The following MTARC2 variants were observed in gnomAD, a reference collection of about 807,000 sequenced individuals.
MTARC2 encodes mitochondrial amidoxime reducing component 2.
MTARC2 carries 27 observed loss-of-function variants against 35.6 expected under a neutral mutation model. The observed-to-expected ratio is 0.76, with a 90% CI of 0.56 to 1.04. The LOEUF (loss-of-function observed/expected upper bound fraction) is 1.04, where lower values mean the gene tolerates loss of function less well. MTARC2 is among the 50% of genes least tolerant of loss of function. The pLI is 0.00. For missense variants in MTARC2, 412 were observed against 432.5 expected, an observed-to-expected ratio of 0.95 and a Z score of 0.42; for synonymous variants, 158 against 167.1, an observed-to-expected ratio of 0.95 and a Z score of 0.42.
Position 220,781,942 on chromosome 1 carries a change from C to T in MTARC2, c.*31+10C>T, listed in dbSNP as rs1398820705. 3.1e-6 allele frequency: 5 copies of T among 1,595,180 alleles called. No individual in the cohort carries two copies. Among genetic ancestry groups the T allele is most frequent in the African/African-American group, 1.3e-5 (1 of 74,598 alleles). ...CCACTAGGGTGATATGGTAAAGGGT[C>T]AGCTTTGCTTCTGAATACGCTGTCT... On this transcript the variant is annotated intron_variant, in intron 7 of 7. Transcript: ENST00000366913.
chr1:220,748,860 G>GT lies in MTARC2; in HGVS notation c.272+57_272+58insT, dbSNP rs962493773. 14 of 1,485,398 alleles carry GT rather than the reference G, an allele frequency of 9.4e-6. No individual in the cohort carries two copies. The East Asian group carries it at 3.6e-4, about 38-fold the overall frequency. 92.0% of individuals were successfully genotyped at this position (1,485,398 alleles called of 1,614,324 possible). ...GAGCCTGCCTGGGATGAGGAGCGGG[G>GT]GGGCAGGTGGGGCCCGATCTATCTG... On this transcript the variant is annotated intron_variant, in intron 1 of 7. Transcript: ENST00000366913.
chr1:220,756,306 C>T (rs1671279264), intron 2 of MTARC2: 1 of 152,248 alleles, frequency 6.6e-6, no homozygotes, highest in African/African-American at 2.4e-5. Flanking sequence ...CCTCAGATTA[C>T]TCCGTGAACT....
At chr1:220,780,675 T>A (rs1672047265) in intron 6 of MTARC2, among the ~76,000 whole-genome samples, 1 of 152,150 alleles carries the variant, frequency 6.6e-6, no homozygotes, top group African/African-American at 2.4e-5. Context: ...GGTCTCAAAC[T>A]CCTTGCCTCA....
intron 4 of MTARC2, among the ~76,000 whole-genome samples, chr1:220,772,746 G>A (rs1671779373): frequency 6.6e-6 from 1 of 152,000 alleles, no homozygotes; most frequent in Non-Finnish European, 1.5e-5. Context: ...CTGAAGACTT[G>A]CTTGATATGA....
In MTARC2 at chr1:220,748,436, C is replaced by T. The variant is rs2102536975; in HGVS notation, c.-96C>T. ...TCCGTAGTTGGGTCAACTTTGACTC[C>T]TCTCGCCTGCCCGGATCCTTAAGGG... On this transcript the variant is annotated 5_prime_UTR_variant, in exon 1 of 8. Transcript: ENST00000366913. 2 of 1,245,516 alleles carry T rather than the reference C, an allele frequency of 1.6e-6. No homozygotes were observed. Among genetic ancestry groups the T allele is most frequent in the South Asian group, 2.4e-5 (1 of 41,694 alleles). 77.2% of individuals were successfully genotyped at this position (1,245,516 alleles called of 1,614,324 possible). A position where few individuals can be genotyped will look rare whatever the true frequency, so the allele number is the denominator to read the frequency against.
intron 4 of MTARC2, among the ~76,000 whole-genome samples, chr1:220,767,909 C>T (rs1207939312): frequency 2.0e-5 from 3 of 152,190 alleles, no homozygotes; most frequent in Non-Finnish European, 4.4e-5. Context: ...TTTTGTAAAT[C>T]ATGATCACTA....
intron 6 of MTARC2, among the ~76,000 whole-genome samples, chr1:220,780,492 C>T (rs988160272): frequency 1.3e-5 from 2 of 150,750 alleles, no homozygotes; most frequent in East Asian, 1.9e-4. Flanking sequence ...TCACTCTGTC[C>T]CCCAGGCTGG....
At position 220,748,391 on chromosome 1, in the gene MTARC2, G is replaced by T. The variant is rs1026371891; in HGVS notation, c.-141G>T. ...TCCGCGGAACTGCTCTGCCGTCTCG[G>T]CGGTGAAAGTGTGAGAGGGTCCGTA... On this transcript the variant is annotated 5_prime_UTR_variant, in exon 1 of 8. Transcript: ENST00000366913. The T allele has an allele frequency of 5.9e-6, 5 of 843,644 alleles. No individual in the cohort carries two copies. Among genetic ancestry groups the T allele is most frequent in the Non-Finnish European group, 8.0e-6 (5 of 624,166 alleles). The allele number at this position is 843,644 out of a possible 1,614,324, so 52.3% of individuals were successfully genotyped here.
At chr1:220,761,497 C>G (rs337138) in intron 2 of MTARC2, among the ~76,000 whole-genome samples, 161 bp from the exon 3 acceptor site, 4,760 of 152,322 alleles carry the variant, frequency 0.031, 241 homozygotes, top group African/African-American at 0.1. Context: ...AGAGCACACT[C>G]TACTCCTTTC....
At chr1:220,775,071 T>C (rs1671863013) in intron 4 of MTARC2, among the ~76,000 whole-genome samples, 1 of 152,176 alleles carries the variant, frequency 6.6e-6, no homozygotes, top group African/African-American at 2.4e-5. Flanking sequence ...TCCAATTTTT[T>C]TGCTTGGCAA....
intron 7 of MTARC2, 85 bp from the exon 8 acceptor site, chr1:220,783,834 A>G (rs1416571566): frequency 1.4e-5 from 10 of 715,988 alleles, no homozygotes; most frequent in Non-Finnish European, 2.1e-5. Flanking sequence ...TAACCTCAAT[A>G]AGTGACTGTT....
At position 220,757,126 on chromosome 1, in the gene MTARC2, T is replaced by C. The variant is rs552335053; in HGVS notation, c.446+2006T>C. 3.3e-5 allele frequency among the ~76,000 whole-genome samples: 5 copies of C among 152,238 alleles called. 1 individual carries two copies. The highest frequency in any genetic ancestry group is 1.2e-4 in the African/African-American group (5 of 41,464). On this transcript the variant is annotated intron_variant, in intron 2 of 7. Coordinates refer to ENST00000366913, the MANE Select transcript of MTARC2 (RefSeq NM_017898.5). ...CATGTTGGCCAGGCTGGTTTCGAACTCCTGACCTCAGGTGATCCACCTGCC... is the reference window on the plus strand; with the variant it reads ...CATGTTGGCCAGGCTGGTTTCGAACCCCTGACCTCAGGTGATCCACCTGCC...
Position 220,778,265 on chromosome 1 carries a change from A to AAAAG in MTARC2, c.751-1737_751-1734dup, listed in dbSNP as rs1553254994. Among the ~76,000 whole-genome samples, 237 of 138,520 alleles carry AAAAG rather than the reference A, an allele frequency of 1.7e-3. 6 individuals carry two copies. Among genetic ancestry groups the AAAAG allele is most frequent in the Middle Eastern group, 7.3e-3 (2 of 274 alleles). The allele number at this position is 138,520 out of a possible 152,430, so 90.9% of individuals were successfully genotyped here. On this transcript the variant is annotated intron_variant, in intron 4 of 7. Coordinates refer to ENST00000366913, the MANE Select transcript of MTARC2 (RefSeq NM_017898.5). ...TCTGTCTCAAAAAAAAAAAAAAAAA[A>AAAAG]AAAGAAAGAAAGAAAGAAAAGCGGT... is the stretch of plus-strand genomic sequence containing the variant.
chr1:220,776,796 C>T (rs1671929521), intron 4 of MTARC2, among the ~76,000 whole-genome samples: 1 of 152,328 alleles, frequency 6.6e-6, no homozygotes, highest in Non-Finnish European at 1.5e-5. Context: ...CTTTAGCTCT[C>T]ACACACAAAA....
At chr1:220,782,076 C>G (rs758047747) in intron 7 of MTARC2, 144 bp downstream of exon 7, 1 of 731,298 alleles carries the variant, frequency 1.4e-6, no homozygotes, top group Non-Finnish European at 2.1e-6. Flanking sequence ...GGAAAATGCC[C>G]TTAATTTCTG....
intron 2 of MTARC2, among the ~76,000 whole-genome samples, chr1:220,757,057 G>C (rs12043169): frequency 0.013 from 2,033 of 152,272 alleles, 32 homozygotes; most frequent in East Asian, 0.059. Context: ...CATGTGCCAT[G>C]ACGCCCAGCT....
chr1:220,781,449 T>C lies in MTARC2; in HGVS notation c.885-329T>C, dbSNP rs149640913. 7.8e-3 allele frequency among the ~76,000 whole-genome samples: 1,184 copies of C among 152,342 alleles called. 6 individuals carry two copies. Among genetic ancestry groups the C allele is most frequent in the Non-Finnish European group, 0.014 (971 of 68,022 alleles). ...TTGTAGAGTTCAGGGCCATTCCATT[T>C]TGAGTTTTAGGGGCATTTGTTTCAA... is the stretch of plus-strand genomic sequence containing the variant. On this transcript the variant is annotated intron_variant, in intron 6 of 7. Transcript: ENST00000366913.
At chr1:220,759,063 T>G (rs1424698988) in intron 2 of MTARC2, among the ~76,000 whole-genome samples, 1 of 152,246 alleles carries the variant, frequency 6.6e-6, no homozygotes, top group African/African-American at 2.4e-5. Flanking sequence ...CATGTTTTGT[T>G]AGATTTAGTC....
chr1:220,757,723 AC>A (rs1162212236), intron 2 of MTARC2, among the ~76,000 whole-genome samples: 5 of 152,274 alleles, frequency 3.3e-5, no homozygotes, highest in Non-Finnish European at 7.4e-5. Context: ...TGAGGGCTCC[AC>A]CTCATCTAAC....
Sources: gnomAD v4.1 joint callset for allele counts (sites outside exome capture counted in the v4.1 genomes callset) on GRCh38, gnomAD v4.1.1 for gene constraint, MANE v1.5 for transcripts, NCBI Gene and HGNC (gene_info 2026-07-23, HGNC 2026-07-21) for gene names.